The following TMTC2 variants were observed in gnomAD, a reference collection of about 807,000 sequenced individuals.
TMTC2 encodes the protein protein O-mannosyl-transferase TMTC2.
In TMTC2, 43 loss-of-function variants were observed where a neutral mutation model predicts 82.4. That is an observed-to-expected ratio of 0.52 (90% confidence interval 0.41 to 0.67). The LOEUF is 0.67. TMTC2 is among the 30% of genes least tolerant of loss of function. The pLI is 0.00. For missense variants in TMTC2, 919 were observed against 1,012.4 expected (o/e 0.91, Z 1.25); for synonymous variants, 408 against 381.9 (o/e 1.07, Z -0.80).
chr12:83,075,512 C>T (rs1316874699), intron 11 of TMTC2, among the ~76,000 whole-genome samples: 3 of 152,110 alleles, frequency 2.0e-5, no homozygotes, highest in South Asian at 2.1e-4. Context: ...TTTTCCCCCA[C>T]GTTTTATCTG....
In TMTC2 at chr12:82,870,034, G is replaced by C. The variant is rs150257876; in HGVS notation, c.654+12454G>C. ...AAAAATTAGTTTATGGACATTTTCA[G>C]TTGGCCATTTGCACTTCAGTTAGAC... On this transcript the variant is annotated intron_variant, in intron 2 of 11. Coordinates refer to ENST00000321196, the MANE Select transcript of TMTC2 (RefSeq NM_152588.3). Among the ~76,000 whole-genome samples the C allele has an allele frequency of 6.5e-3, 987 of 152,194 alleles. 37 individuals carry two copies. The highest frequency in any genetic ancestry group is 0.058 in the Admixed American group (893 of 15,294).
intron 1 of TMTC2, among the ~76,000 whole-genome samples, chr12:82,853,597 T>C (rs1191993642): frequency 1.3e-5 from 2 of 152,180 alleles, no homozygotes; most frequent in African/African-American, 4.8e-5. Context: ...ATCAAAAGCC[T>C]TTACATAGTT....
chr12:83,124,287 A>T (rs1295291936), intron 11 of TMTC2, among the ~76,000 whole-genome samples: 1 of 152,212 alleles, frequency 6.6e-6, no homozygotes, highest in Non-Finnish European at 1.5e-5. Flanking sequence ...TTGGTATAGA[A>T]TTTACCTCTC....
At chr12:82,870,305 T>A (rs1175330426) in intron 2 of TMTC2, among the ~76,000 whole-genome samples, 1 of 152,210 alleles carries the variant, frequency 6.6e-6, no homozygotes, top group Non-Finnish European at 1.5e-5. Context: ...TGCTCCAGCT[T>A]GATTTCAGCT....
intron 9 of TMTC2, among the ~76,000 whole-genome samples, chr12:83,039,880 T>C (rs570449057): frequency 8.5e-4 from 130 of 152,320 alleles, no homozygotes; most frequent in Admixed American, 2.4e-3. Context: ...GATTGCAAAA[T>C]GCTTCACAAT....
chr12:83,005,330 C>CAAA (rs35332002), intron 8 of TMTC2, among the ~76,000 whole-genome samples: 3,282 of 105,620 alleles, frequency 0.031, 166 homozygotes, highest in African/African-American at 0.11. Flanking sequence ...CTCTGGTCTC[C>CAAA]AAAAAAAAAA....
chr12:83,128,856 T>C (rs947566595), intron 11 of TMTC2, among the ~76,000 whole-genome samples: 2 of 152,162 alleles, frequency 1.3e-5, no homozygotes, highest in Non-Finnish European at 2.9e-5. Context: ...ATAAAGCCCC[T>C]GTCTTTGAAG....
intron 11 of TMTC2, among the ~76,000 whole-genome samples, chr12:83,081,664 T>C (rs1047887941): frequency 3.3e-5 from 5 of 152,162 alleles, no homozygotes; most frequent in Non-Finnish European, 7.4e-5. Context: ...GAATCTAAAA[T>C]TCCCCTACAT....
chr12:83,045,727 G>GCACACACACACACA (rs71068972), intron 9 of TMTC2, among the ~76,000 whole-genome samples: 1 of 142,452 alleles, frequency 7.0e-6, no homozygotes, highest in African/African-American at 2.7e-5. Flanking sequence ...ACACACACAC[G>GCACACACACACACA]CACACACACA....
chr12:82,916,661 T>C (rs1422615025), intron 3 of TMTC2, among the ~76,000 whole-genome samples: 1 of 152,182 alleles, frequency 6.6e-6, no homozygotes, highest in African/African-American at 2.4e-5. Context: ...ATTATACATG[T>C]GGATATTACA....
intron 11 of TMTC2, among the ~76,000 whole-genome samples, chr12:83,102,243 G>A (rs1206206978): frequency 6.6e-6 from 1 of 152,204 alleles, no homozygotes. Context: ...TGGCAGCAAG[G>A]AAGATATGCT....
At chr12:82,908,823 A>C (rs1015171288) in intron 3 of TMTC2, among the ~76,000 whole-genome samples, 5 of 151,796 alleles carry the variant, frequency 3.3e-5, no homozygotes, top group African/African-American at 4.8e-5. Context: ...CTGTTGATTT[A>C]ATTTCTTTCA....
intron 9 of TMTC2, among the ~76,000 whole-genome samples, chr12:83,048,869 A>G (rs1298941305): frequency 6.6e-6 from 1 of 152,230 alleles, no homozygotes; most frequent in Non-Finnish European, 1.5e-5. Flanking sequence ...GGCTTTCACC[A>G]TGTTGGCCAG....
intron 1 of TMTC2, among the ~76,000 whole-genome samples, chr12:82,827,375 A>G (rs1226874772): frequency 6.6e-6 from 1 of 152,156 alleles, no homozygotes; most frequent in African/African-American, 2.4e-5. Flanking sequence ...AGTTAAGGAA[A>G]TGACCTGAGT....
intron 2 of TMTC2, among the ~76,000 whole-genome samples, chr12:82,878,186 T>C (rs938819783): frequency 1.3e-5 from 2 of 152,192 alleles, no homozygotes; most frequent in African/African-American, 4.8e-5. Flanking sequence ...CTAGTTGCTA[T>C]GGATAGTAAG....
intron 1 of TMTC2, among the ~76,000 whole-genome samples, chr12:82,748,999 T>C (rs1260023780): frequency 6.6e-6 from 1 of 152,242 alleles, no homozygotes; most frequent in Non-Finnish European, 1.5e-5. Flanking sequence ...TACGCATTGT[T>C]TGTCTCTTAA....
intron 2 of TMTC2, among the ~76,000 whole-genome samples, chr12:82,870,368 A>C (rs1375170938): frequency 1.3e-5 from 2 of 151,698 alleles, no homozygotes; most frequent in Non-Finnish European, 2.9e-5. Flanking sequence ...TAACGCAAAG[A>C]GACTAAAATC....
At chr12:82,986,514 T>A (rs1234526317) in intron 8 of TMTC2, 1 of 155,324 alleles carries the variant, frequency 6.4e-6, no homozygotes, top group Admixed American at 6.3e-5. Flanking sequence ...ATGAATTTGT[T>A]CTAATAATCA....
intron 11 of TMTC2, 80 bp downstream of exon 11, chr12:83,061,911 T>A (rs1882759123): frequency 9.0e-7 from 1 of 1,117,252 alleles, no homozygotes; most frequent in Non-Finnish European, 1.2e-6. Flanking sequence ...ATCATGATAC[T>A]GGTTTTTTGT....
Sources: gnomAD v4.1 joint callset for allele counts (sites outside exome capture counted in the v4.1 genomes callset) on GRCh38, gnomAD v4.1.1 for gene constraint, MANE v1.5 for transcripts, NCBI Gene and HGNC (gene_info 2026-07-23, HGNC 2026-07-21) for gene names.